The following SLTM variants were observed in gnomAD, a reference collection of about 807,000 sequenced individuals.
The protein encoded by SLTM is SAFB like transcription modulator, also known as SAFB-like transcription modulator.
In SLTM, 43 loss-of-function variants were observed where a neutral mutation model predicts 134.6. That is an observed-to-expected ratio of 0.32 (90% CI 0.25 to 0.41). The LOEUF (loss-of-function observed/expected upper bound fraction) is 0.41, where lower values mean the gene tolerates loss of function less well. Ranked by LOEUF, SLTM falls within the 10% of genes least tolerant of loss-of-function variation. The pLI is 1.00. For missense variants in SLTM, 1,055 were observed against 1,288.8 expected, an observed-to-expected ratio of 0.82 and a Z score of 2.78; for synonymous variants, 424 against 432.3, an observed-to-expected ratio of 0.98 and a Z score of 0.24.
intron 9 of SLTM, 135 bp from the exon 10 acceptor site, chr15:58,894,717 T>TTG: frequency 1.1e-6 from 1 of 895,616 alleles, no homozygotes; most frequent in Non-Finnish European, 1.7e-6. Context: ...TTTTTTTTTT[T>TTG]TTTTTGAGAT....
chr15:58,888,618 T>C lies in SLTM; in HGVS notation c.2205-63A>G, dbSNP rs751751164. 20 of 1,537,006 alleles carry C rather than the reference T, an allele frequency of 1.3e-5. No homozygotes were observed. In the Admixed American group the frequency reaches 3.5e-4, roughly 27 times the overall value. On this transcript the variant is annotated intron_variant, in intron 16 of 20. Transcript: ENST00000380516. ...TCTACAGTAATCAAACGACATTTACTTGGAGTCATACATACCACATGTTAG... is the reference window on the plus strand; with the variant it reads ...TCTACAGTAATCAAACGACATTTACCTGGAGTCATACATACCACATGTTAG...
chr15:58,899,640 T>C lies in SLTM; in HGVS notation c.887A>G (p.Asp296Gly). 1 of 1,614,230 alleles carries C rather than the reference T, an allele frequency of 6.2e-7. No individual in the cohort carries two copies. Among genetic ancestry groups the C allele is most frequent in the African/African-American group, 1.3e-5 (1 of 75,080 alleles). ...TTTATGGTTCGCATTCATCTCATAA[T>C]CCTTGCTTTCCTTCTCCGGGCTCTG... is the stretch of plus-strand genomic sequence containing the variant. ...IAQSPEKESKDYEMNANHKDG... is the reference protein window; with the variant it reads ...IAQSPEKESKGYEMNANHKDG... The change falls in exon 7 of 21, where the codon GAT (aspartate) becomes GGT (glycine). Residue 296 changes from aspartate (D) to glycine (G), a missense_variant. By Grantham distance (94) the Asp-to-Gly change is moderately conservative. This residue lies in a region of SLTM where 776 missense variants were observed against 962.2 expected (regional missense o/e 0.81). Coordinates refer to ENST00000380516, the MANE Select transcript of SLTM (RefSeq NM_024755.4). This position sits in a 1 kb window ranked among gnomAD's most constrained non-coding sequence, Gnocchi z 5.0.
chr15:58,911,441 C>T (rs1289985169), intron 5 of SLTM, among the ~76,000 whole-genome samples: 1 of 152,154 alleles, frequency 6.6e-6, no homozygotes, highest in East Asian at 1.9e-4. Context: ...TTAAAGAGGA[C>T]ATAATCCTGT....
intron 4 of SLTM, 130 bp from the exon 5 acceptor site, chr15:58,912,740 A>C: frequency 1.5e-6 from 1 of 687,052 alleles, no homozygotes; most frequent in Non-Finnish European, 2.5e-6. Flanking sequence ...TGGGTACTAA[A>C]TCAATGCTTA....
Position 58,883,675 on chromosome 15 carries a change from G to A in SLTM, c.2947C>T (p.Arg983Ter), listed in dbSNP as rs2033930832. The change falls in exon 20 of 21, where the codon CGA becomes TGA. Residue 983 changes from arginine to a stop codon, truncating the protein, a stop_gained. Coordinates refer to ENST00000380516, the MANE Select transcript of SLTM (RefSeq NM_024755.4). LOFTEE classifies it high-confidence loss of function. ...SQGPSYHDTR[R>*]MGDGRAGAGM... is the part of the protein sequence containing the mutation. The stretch of plus-strand genomic sequence containing the variant: ...GCTCCTGCCCGGCCGTCACCCATTC[G>A]CCTCGTATCATGATAGCTAGGCCCT... The A allele has an allele frequency of 6.2e-7, 1 of 1,613,926 alleles. No individual in the cohort carries two copies. Among genetic ancestry groups the A allele is most frequent in the Non-Finnish European group, 8.5e-7 (1 of 1,180,000 alleles).
At position 58,879,830 on chromosome 15, in the gene SLTM, C is replaced by A; in HGVS notation, c.*169G>T. The A allele has an allele frequency of 1.3e-6, 1 of 786,656 alleles. No individual in the cohort carries two copies. Among genetic ancestry groups the A allele is most frequent in the South Asian group, 2.5e-5 (1 of 40,016 alleles). 48.7% of individuals were successfully genotyped at this position (786,656 alleles called of 1,614,324 possible). A position where few individuals can be genotyped will look rare whatever the true frequency, so the allele number is the denominator to read the frequency against. ...AAAACTATTAAAAGTTACAACAGAA[C>A]TATTTAAACATCTTCTCCAAAATTG... On this transcript the variant is annotated 3_prime_UTR_variant, in exon 21 of 21. Coordinates refer to ENST00000380516, the MANE Select transcript of SLTM (RefSeq NM_024755.4).
At chr15:58,933,119 G>C (rs749219635) in intron 1 of SLTM, among the ~76,000 whole-genome samples, 146 of 152,130 alleles carry the variant, frequency 9.6e-4, no homozygotes, top group South Asian at 1.4e-3. Flanking sequence ...CGCGCCGGCC[G>C]GCCGCAACCC....
At chr15:58,909,408 G>T (rs369804422) in intron 5 of SLTM, among the ~76,000 whole-genome samples, 1 of 152,150 alleles carries the variant, frequency 6.6e-6, no homozygotes, top group Non-Finnish European at 1.5e-5. Flanking sequence ...TCAATATTCT[G>T]AAAATTGGTA....
chr15:58,931,772 G>C (rs2037897552), intron 2 of SLTM, among the ~76,000 whole-genome samples: 1 of 152,046 alleles, frequency 6.6e-6, no homozygotes, highest in African/African-American at 2.4e-5. Context: ...TTAAAAATAA[G>C]AATCTTTAAC....
At chr15:58,933,320 G>A (rs959913391) in intron 1 of SLTM, 84 bp downstream of exon 1, 17 of 1,438,710 alleles carry the variant, frequency 1.2e-5, no homozygotes, top group Non-Finnish European at 1.6e-5. Context: ...GCTGCGGGCA[G>A]CCGGAGGCTG....
intron 9 of SLTM, among the ~76,000 whole-genome samples, chr15:58,894,875 T>G (rs1373329949): frequency 1.3e-5 from 2 of 152,104 alleles, no homozygotes; most frequent in African/African-American, 4.8e-5. Context: ...CTGCTAAGTT[T>G]TGTATTTTTA....
rs368438100 is a variant in SLTM, at chr15:58,887,240, G to C, written c.2676C>G (p.Asp892Glu). Reference sequence around the variant, plus strand: ...TACACAGCTACCTTGTTTCCCGTTTGTCAGTGGACATGCTTCCTTCACTTT... The same window carrying C: ...TACACAGCTACCTTGTTTCCCGTTTCTCAGTGGACATGCTTCCTTCACTTT... ...SWKSEGSMST[D>E]KRETRVERPE... The change falls in exon 18 of 21, where the codon GAC becomes GAG. Residue 892 changes from aspartate (D) to glutamate (E), a missense_variant. This residue lies in a region of SLTM where 776 missense variants were observed against 962.2 expected (regional missense o/e 0.81). Coordinates refer to ENST00000380516, the MANE Select transcript of SLTM (RefSeq NM_024755.4). The C allele has an allele frequency of 6.2e-6, 10 of 1,613,768 alleles. No individual in the cohort carries two copies. The African/African-American group carries it at 1.3e-4, about 22-fold the overall frequency.
At position 58,887,134 on chromosome 15, in the gene SLTM, A is replaced by G; in HGVS notation, c.2691-15T>C. On this transcript the variant is annotated splice_polypyrimidine_tract_variant and intron_variant, in intron 18 of 20. Coordinates refer to ENST00000380516, the MANE Select transcript of SLTM (RefSeq NM_024755.4). ...GCCTTTCAACTCTGTTAAACAAAAC[A>G]TAAAAACATACATGATCAAAACTGT... 1.2e-6 allele frequency: 2 copies of G among 1,613,944 alleles called. No homozygotes were observed. The highest frequency in any genetic ancestry group is 1.7e-6 in the Non-Finnish European group (2 of 1,179,904).
At position 58,897,249 on chromosome 15, in the gene SLTM, T is replaced by C. The variant is rs1246077125; in HGVS notation, c.1109-16A>G. The C allele has an allele frequency of 1.5e-6, 2 of 1,377,358 alleles. No homozygotes were observed. The highest frequency in any genetic ancestry group is 2.9e-5 in the African/African-American group (2 of 69,916). 85.3% of individuals were successfully genotyped at this position (1,377,358 alleles called of 1,614,324 possible). A position where few individuals can be genotyped will look rare whatever the true frequency, so the allele number is the denominator to read the frequency against. On this transcript the variant is annotated splice_polypyrimidine_tract_variant and intron_variant, in intron 8 of 20. Transcript: ENST00000380516. ...CTTGTACTTCCTAGAATAGATTTAA[T>C]ATCAGATGTTTAAGTATCTCAATCA...
At chr15:58,907,450 C>A (rs766448763) in intron 5 of SLTM, among the ~76,000 whole-genome samples, 1 of 152,068 alleles carries the variant, frequency 6.6e-6, no homozygotes. Context: ...GGCGAACCCC[C>A]ATCTCTACAA....
At chr15:58,898,542 T>C in intron 8 of SLTM, 2 of 358,188 alleles carry the variant, frequency 5.6e-6, no homozygotes, top group South Asian at 5.9e-5. Context: ...CACAGTCCCT[T>C]AGAACACACC....
chr15:58,885,952 C>G lies in SLTM; in HGVS notation c.2835+1023G>C, dbSNP rs538901187. Among the ~76,000 whole-genome samples, 55 of 152,278 alleles carry G rather than the reference C, an allele frequency of 3.6e-4. 2 individuals are homozygous for G. Among genetic ancestry groups the G allele is most frequent in the Admixed American group, 2.9e-3 (44 of 15,294 alleles). ...CTAACTGTGCTACTATCAACCCACA[C>G]GCCAGTATTTCATCAGTAGAAGAAT... is the stretch of plus-strand genomic sequence containing the variant. On this transcript the variant is annotated intron_variant, in intron 19 of 20. Coordinates refer to ENST00000380516, the MANE Select transcript of SLTM (RefSeq NM_024755.4).
intron 2 of SLTM, among the ~76,000 whole-genome samples, chr15:58,927,857 C>A (rs6494044): frequency 0.027 from 4,161 of 152,272 alleles, 190 homozygotes; most frequent in African/African-American, 0.096. Flanking sequence ...AAGCTAATTA[C>A]AGTACACTAT....
chr15:58,879,836 A>T lies in SLTM; in HGVS notation c.*163T>A, dbSNP rs1459488881. ...ATTAAAAGTTACAACAGAACTATTT[A>T]AACATCTTCTCCAAAATTGAGAAAA... On this transcript the variant is annotated 3_prime_UTR_variant, in exon 21 of 21. Coordinates refer to ENST00000380516, the MANE Select transcript of SLTM (RefSeq NM_024755.4). The T allele has an allele frequency of 1.1e-6, 1 of 871,276 alleles. No homozygotes were observed. Among genetic ancestry groups the T allele is most frequent in the Non-Finnish European group, 1.7e-6 (1 of 603,348 alleles). 54.0% of individuals were successfully genotyped at this position (871,276 alleles called of 1,614,324 possible).
Sources: gnomAD v4.1 joint callset for allele counts (sites outside exome capture counted in the v4.1 genomes callset) on GRCh38, gnomAD v4.1.1 for gene constraint, gnomAD v4.1.1 regional missense constraint, Gnocchi (gnomAD v3.1) non-coding constraint, MANE v1.5 for transcripts, NCBI Gene and HGNC (gene_info 2026-07-23, HGNC 2026-07-21) for gene names.